PTPRM: variants seen among roughly 807,000 people sequenced by gnomAD.
PTPRM encodes the protein protein tyrosine phosphatase receptor type M.
PTPRM carries 47 observed loss-of-function variants against 186.7 expected under a neutral mutation model. The ratio of observed to expected loss-of-function variants is 0.25; its 90% CI spans 0.20 to 0.32. PTPRM has a LOEUF of 0.32. Among genes scored for constraint, PTPRM ranks in the 10% least tolerant of loss-of-function variants. The pLI, the probability that PTPRM is intolerant of heterozygous loss-of-function variation, is 1.00. For missense variants in PTPRM, 1,494 were observed against 1,865.0 expected (o/e 0.80, Z 3.66); for synonymous variants, 668 against 674.9 (o/e 0.99, Z 0.16).
rs75727306 is a variant in PTPRM at position 8,144,104 on chromosome 18, A to G, written c.2300+325A>G. ...GAAATGTTTAGTACTGATTTCCAAC[A>G]TACTAAGACATTTGGTAATCACAAA... On this transcript the variant is annotated intron_variant, in intron 14 of 32. Coordinates refer to ENST00000580170, the MANE Select transcript of PTPRM (RefSeq NM_001105244.2). 1.1e-3 allele frequency among the ~76,000 whole-genome samples: 175 copies of G among 152,318 alleles called. 1 individual carries two copies. The highest frequency in any genetic ancestry group is 4.1e-3 in the African/African-American group (170 of 41,558).
At chr18:7,748,258 T>G (rs2041045521) in intron 1 of PTPRM, among the ~76,000 whole-genome samples, 1 of 152,214 alleles carries the variant, frequency 6.6e-6, no homozygotes, top group Non-Finnish European at 1.5e-5. Context: ...GAATGTTTAA[T>G]TTTAGTTAGC....
intron 19 of PTPRM, among the ~76,000 whole-genome samples, chr18:8,294,207 G>A (rs9958034): frequency 0.052 from 7,843 of 152,166 alleles, 350 homozygotes; most frequent in African/African-American, 0.12. Context: ...AGCTGAGATC[G>A]TGCCACTGCA....
chr18:8,079,280 C>A (rs774905105), intron 9 of PTPRM, among the ~76,000 whole-genome samples: 1 of 152,124 alleles, frequency 6.6e-6, no homozygotes, highest in African/African-American at 2.4e-5. Context: ...TACCCTCCAC[C>A]TCAGTCATTT....
chr18:8,240,777 G>GGAGAGAGA (rs747648655), intron 14 of PTPRM, among the ~76,000 whole-genome samples: 43 of 57,320 alleles, frequency 7.5e-4, no homozygotes, highest in East Asian at 2.1e-3. Context: ...AGAGAGAGAG[G>GGAGAGAGA]GAGAGAGAGA....
chr18:7,986,058 G>T (rs1025061010), intron 7 of PTPRM, among the ~76,000 whole-genome samples: 7 of 152,126 alleles, frequency 4.6e-5, no homozygotes, highest in South Asian at 2.1e-4. Context: ...TCAAAATTAT[G>T]CTTTGAAGTT....
intron 2 of PTPRM, among the ~76,000 whole-genome samples, chr18:7,854,921 A>T (rs1259302918): frequency 6.6e-6 from 1 of 152,110 alleles, no homozygotes; most frequent in East Asian, 1.9e-4. Context: ...AATTATAAAT[A>T]AGTTATCATT....
At position 7,981,251 on chromosome 18, in the gene PTPRM, C is replaced by T. The variant is rs531166301; in HGVS notation, c.1132+25837C>T. On this transcript the variant is annotated intron_variant, in intron 7 of 32. Transcript: ENST00000580170. ...CTAAGCAATCTCTGGACAATGGAGT[C>T]GTGCATTCCCTTATTATTTTTTAAA... Among the ~76,000 whole-genome samples the T allele has an allele frequency of 1.0e-3, 156 of 152,194 alleles. No individual in the cohort carries two copies. In the Middle Eastern group the frequency reaches 0.014, roughly 13 times the overall value.
intron 1 of PTPRM, among the ~76,000 whole-genome samples, chr18:7,658,099 T>C (rs947808531): frequency 1.3e-5 from 2 of 152,052 alleles, no homozygotes; most frequent in Non-Finnish European, 2.9e-5. Flanking sequence ...TTATCAGCTG[T>C]AGTCACCATG....
At chr18:8,174,043 G>A (rs1198656441) in intron 14 of PTPRM, among the ~76,000 whole-genome samples, 3 of 150,040 alleles carry the variant, frequency 2.0e-5, no homozygotes, top group African/African-American at 4.9e-5. Flanking sequence ...TCCAGTCTGA[G>A]CAACAGAGCG....
chr18:7,896,639 G>A (rs1247319019), intron 3 of PTPRM, among the ~76,000 whole-genome samples: 1 of 152,198 alleles, frequency 6.6e-6, no homozygotes, highest in Non-Finnish European at 1.5e-5. Context: ...GAGCCTTGTG[G>A]GTTCACGAGA....
At chr18:8,128,138 A>G (rs2092417842) in intron 13 of PTPRM, among the ~76,000 whole-genome samples, 1 of 152,156 alleles carries the variant, frequency 6.6e-6, no homozygotes, top group African/African-American at 2.4e-5. Context: ...TGCCTCCTTT[A>G]GATTTCTTTG....
intron 11 of PTPRM, among the ~76,000 whole-genome samples, chr18:8,104,955 G>T (rs1351019937): frequency 2.0e-5 from 3 of 152,036 alleles, no homozygotes; most frequent in Non-Finnish European, 4.4e-5. Context: ...CTTTTTAATT[G>T]TTCCCTTTTT....
intron 20 of PTPRM, among the ~76,000 whole-genome samples, chr18:8,302,148 G>C (rs374244475): frequency 6.6e-6 from 1 of 152,214 alleles, no homozygotes; most frequent in East Asian, 1.9e-4. Flanking sequence ...CAAGTTAAGG[G>C]CACAGAAGGA....
At chr18:8,165,966 C>T (rs2093317783) in intron 14 of PTPRM, among the ~76,000 whole-genome samples, 2 of 152,148 alleles carry the variant, frequency 1.3e-5, no homozygotes, top group African/African-American at 2.4e-5. Context: ...TGCATCTTGA[C>T]TTATTCTGTA....
chr18:7,819,719 G>A (rs1387032986), intron 2 of PTPRM, among the ~76,000 whole-genome samples: 4 of 152,212 alleles, frequency 2.6e-5, no homozygotes, highest in African/African-American at 9.6e-5. Flanking sequence ...TATGGACAGG[G>A]GCTTCAGCTG....
chr18:7,726,427 T>C (rs2144357012), intron 1 of PTPRM, among the ~76,000 whole-genome samples: 1 of 152,346 alleles, frequency 6.6e-6, no homozygotes, highest in South Asian at 2.1e-4. Flanking sequence ...TACATTCTCC[T>C]ATCCTGTGCG....
intron 7 of PTPRM, among the ~76,000 whole-genome samples, chr18:8,033,698 A>G (rs1226452658): frequency 6.6e-6 from 1 of 152,248 alleles, no homozygotes; most frequent in East Asian, 1.9e-4. Context: ...GCATCACTGT[A>G]TAGATTTGTT....
intron 2 of PTPRM, among the ~76,000 whole-genome samples, chr18:7,837,887 T>C (rs1377828082): frequency 1.3e-5 from 2 of 152,168 alleles, no homozygotes; most frequent in East Asian, 3.9e-4. Flanking sequence ...ATGGAAGAGT[T>C]AGGTTTTTAC....
chr18:7,621,865 CT>C (rs2037947480), intron 1 of PTPRM, among the ~76,000 whole-genome samples: 1 of 152,308 alleles, frequency 6.6e-6, no homozygotes, highest in Admixed American at 6.5e-5. Flanking sequence ...ATCCATTCAC[CT>C]ACTGAAGGAT....
Sources: gnomAD v4.1 joint callset for allele counts (sites outside exome capture counted in the v4.1 genomes callset) on GRCh38, gnomAD v4.1.1 for gene constraint, MANE v1.5 for transcripts, NCBI Gene and HGNC (gene_info 2026-07-23, HGNC 2026-07-21) for gene names.